ADAMTS12: variants seen among roughly 807,000 people sequenced by gnomAD.
ADAMTS12 encodes the protein ADAM metallopeptidase with thrombospondin type 1 motif 12, also known as A disintegrin and metalloproteinase with thrombospondin motifs 12.
In ADAMTS12, 118 loss-of-function variants were observed where a neutral mutation model predicts 167.8. That is an observed-to-expected ratio of 0.70 (90% CI 0.61 to 0.82). The LOEUF (loss-of-function observed/expected upper bound fraction) is 0.82, where lower values mean the gene tolerates loss of function less well. ADAMTS12 is among the 40% of genes least tolerant of loss of function. The probability of loss-of-function intolerance (pLI) is 0.00; values close to 1 mark genes in which losing one functional copy is unlikely to be tolerated. For synonymous variants in ADAMTS12, 704 were observed against 716.9 expected, an observed-to-expected ratio of 0.98 and a Z score of 0.29; for missense variants, 1,916 against 1,998.8, an observed-to-expected ratio of 0.96 and a Z score of 0.79.
chr5:33,851,985 T>C (rs933315102), intron 2 of ADAMTS12, among the ~76,000 whole-genome samples: 1 of 152,232 alleles, frequency 6.6e-6, no homozygotes, highest in Non-Finnish European at 1.5e-5. Context: ...ATTCCCCATA[T>C]TCTTTCCTTA....
chr5:33,683,147 T>G (rs754382831), intron 4 of ADAMTS12, 46 bp from the exon 5 acceptor site: 2 of 1,409,732 alleles, frequency 1.4e-6, no homozygotes, highest in Non-Finnish European at 2.0e-6. Context: ...GAAGAGATAA[T>G]AAATAAATAC....
In ADAMTS12 at chr5:33,595,828, A is replaced by G. The variant is rs1747893847; in HGVS notation, c.2654+106T>C. ...TAACCGCGTTCTTGTATTTATCCAA[A>G]TAACAAAACCACACAATATTTCTTT... On this transcript the variant is annotated intron_variant, in intron 17 of 23. Transcript: ENST00000504830. 2.7e-6 allele frequency: 4 copies of G among 1,500,588 alleles called. No homozygotes were observed. In the East Asian group the frequency reaches 6.9e-5, roughly 26 times the overall value. 93.0% of individuals were successfully genotyped at this position (1,500,588 alleles called of 1,614,324 possible). A position where few individuals can be genotyped will look rare whatever the true frequency, so the allele number is the denominator to read the frequency against.
At chr5:33,886,033 T>C (rs1750624339) in intron 1 of ADAMTS12, among the ~76,000 whole-genome samples, 2 of 152,222 alleles carry the variant, frequency 1.3e-5, no homozygotes, top group East Asian at 1.9e-4. Context: ...TCTCAATTTA[T>C]CCAGAAAATA....
chr5:33,710,036 T>C (rs1238404286), intron 3 of ADAMTS12, among the ~76,000 whole-genome samples: 5 of 152,106 alleles, frequency 3.3e-5, no homozygotes, highest in African/African-American at 9.7e-5. Context: ...TCGAAGCCAA[T>C]TCCTTATCTT....
intron 2 of ADAMTS12, among the ~76,000 whole-genome samples, chr5:33,839,221 C>T (rs561071064): frequency 6.6e-6 from 1 of 152,264 alleles, no homozygotes; most frequent in Non-Finnish European, 1.5e-5. Flanking sequence ...GTGTCATTGT[C>T]TACAAATAGG....
chr5:33,705,639 A>T (rs1221215838), intron 3 of ADAMTS12, among the ~76,000 whole-genome samples: 1 of 151,942 alleles, frequency 6.6e-6, no homozygotes, highest in East Asian at 1.9e-4. Flanking sequence ...GTGTGAAACC[A>T]TCTCTACTAA....
intron 9 of ADAMTS12, 50 bp from the exon 10 acceptor site, chr5:33,643,520 C>T: frequency 6.5e-7 from 1 of 1,539,358 alleles, no homozygotes; most frequent in Non-Finnish European, 9.0e-7. Context: ...TGCCACAAAG[C>T]ATTTCTATAG....
chr5:33,655,381 GC>G (rs1271312656), intron 7 of ADAMTS12, among the ~76,000 whole-genome samples: 1 of 152,092 alleles, frequency 6.6e-6, no homozygotes, highest in East Asian at 1.9e-4. Flanking sequence ...ATATAAAACA[GC>G]CCAGTTCTTC....
At chr5:33,809,494 G>A (rs1561283676) in intron 2 of ADAMTS12, among the ~76,000 whole-genome samples, 1 of 150,784 alleles carries the variant, frequency 6.6e-6, no homozygotes, top group Non-Finnish European at 1.5e-5. Context: ...ATCTATCTTT[G>A]TTGTGTTCTA....
At chr5:33,762,351 A>G (rs1745388287) in intron 2 of ADAMTS12, among the ~76,000 whole-genome samples, 2 of 151,816 alleles carry the variant, frequency 1.3e-5, no homozygotes, top group African/African-American at 4.8e-5. Flanking sequence ...TACTAAAAAT[A>G]CAAAAAGTTA....
At position 33,706,493 on chromosome 5, in the gene ADAMTS12, G is replaced by A. The variant is rs1044308470; in HGVS notation, c.635-22438C>T. Among the ~76,000 whole-genome samples the A allele has an allele frequency of 1.7e-4, 26 of 152,264 alleles. No homozygotes were observed. In the Middle Eastern group the frequency reaches 0.01, roughly 60 times the overall value. On this transcript the variant is annotated intron_variant, in intron 3 of 23. Transcript: ENST00000504830. ...TTTGATCTTTGTTGGTTTAAAGTCT[G>A]TATAATCAGAGACTAGGATTGCAAC...
At chr5:33,675,922 A>T (rs1448610120) in intron 5 of ADAMTS12, among the ~76,000 whole-genome samples, 1 of 152,210 alleles carries the variant, frequency 6.6e-6, no homozygotes, top group Non-Finnish European at 1.5e-5. Context: ...GATGGCTCAC[A>T]ATAAATGCGA....
intron 3 of ADAMTS12, among the ~76,000 whole-genome samples, chr5:33,720,262 C>T (rs1743761162): frequency 7.7e-6 from 1 of 130,116 alleles, no homozygotes; most frequent in African/African-American, 3.0e-5. Flanking sequence ...AGTTTCCATT[C>T]ACCCCTCTCT....
chr5:33,724,009 C>T (rs2112340152), intron 3 of ADAMTS12, among the ~76,000 whole-genome samples: 1 of 152,302 alleles, frequency 6.6e-6, no homozygotes, highest in African/African-American at 2.4e-5. Context: ...TGCCTAGCAT[C>T]GTTGTCCTGA....
At chr5:33,830,119 T>C (rs1193062393) in intron 2 of ADAMTS12, among the ~76,000 whole-genome samples, 1 of 152,112 alleles carries the variant, frequency 6.6e-6, no homozygotes, top group African/African-American at 2.4e-5. Flanking sequence ...GCTGTGGGCA[T>C]GAGGCTCTGA....
At chr5:33,827,755 AT>A (rs1748142405) in intron 2 of ADAMTS12, among the ~76,000 whole-genome samples, 5 of 147,172 alleles carry the variant, frequency 3.4e-5, no homozygotes. Flanking sequence ...AGATAGATAG[AT>A]AGATAGAATG....
intron 1 of ADAMTS12, among the ~76,000 whole-genome samples, chr5:33,885,683 T>C (rs1319818338): frequency 6.6e-6 from 1 of 152,212 alleles, no homozygotes; most frequent in Non-Finnish European, 1.5e-5. Flanking sequence ...CCCTGCTCAC[T>C]GTGCCCATTA....
chr5:33,701,092 C>A (rs948066346), intron 3 of ADAMTS12, among the ~76,000 whole-genome samples: 1 of 151,818 alleles, frequency 6.6e-6, no homozygotes, highest in Non-Finnish European at 1.5e-5. Context: ...GTGTCCATGA[C>A]AAAAACAGCA....
At chr5:33,700,010 A>C (rs1417214359) in intron 3 of ADAMTS12, among the ~76,000 whole-genome samples, 2 of 152,214 alleles carry the variant, frequency 1.3e-5, no homozygotes, top group African/African-American at 4.8e-5. Flanking sequence ...CTATATATCT[A>C]TCAGAATGGC....
Sources: allele counts gnomAD v4.1 joint callset (sites outside exome capture counted in the v4.1 genomes callset), GRCh38; gene constraint gnomAD v4.1.1; transcripts MANE v1.5; gene names NCBI Gene and HGNC (gene_info 2026-07-23, HGNC 2026-07-21).